The following KLHL32 variants were observed in gnomAD, a reference collection of about 807,000 sequenced individuals.
The protein encoded by KLHL32 is kelch-like protein 32.
In KLHL32, 35 loss-of-function variants were observed where a neutral mutation model predicts 64.8. The observed-to-expected ratio is 0.54, with a 90% CI of 0.41 to 0.72. KLHL32 has a LOEUF of 0.72. Ranked by LOEUF, KLHL32 falls within the 30% of genes least tolerant of loss-of-function variation. The pLI is 0.00. For missense variants in KLHL32, 589 were observed against 768.5 expected (o/e 0.77, Z 2.76); for synonymous variants, 259 against 281.0 (o/e 0.92, Z 0.78).
intron 4 of KLHL32, among the ~76,000 whole-genome samples, chr6:97,057,897 C>A (rs1405360506): frequency 6.6e-6 from 1 of 152,122 alleles, no homozygotes; most frequent in Non-Finnish European, 1.5e-5. Flanking sequence ...CATCTGTAAT[C>A]CGTTTTGAGT....
intron 5 of KLHL32, among the ~76,000 whole-genome samples, chr6:97,081,189 A>T (rs1163523473): frequency 6.6e-6 from 1 of 152,076 alleles, no homozygotes; most frequent in Non-Finnish European, 1.5e-5. Flanking sequence ...AGTGGACTAG[A>T]GTCTTTATAG....
At chr6:97,093,957 T>C (rs1794617144) in intron 6 of KLHL32, among the ~76,000 whole-genome samples, 1 of 152,194 alleles carries the variant, frequency 6.6e-6, no homozygotes, top group Non-Finnish European at 1.5e-5. Flanking sequence ...TTGTCCCTAT[T>C]TGAGACCAGA....
At chr6:97,025,164 T>C in intron 3 of KLHL32, 2 of 956,538 alleles carry the variant, frequency 2.1e-6, no homozygotes, top group Middle Eastern at 5.3e-4. Context: ...TAAAGAATTA[T>C]TGGAATCTGT....
intron 3 of KLHL32, among the ~76,000 whole-genome samples, chr6:97,026,476 A>G (rs139892134): frequency 6.6e-6 from 1 of 152,340 alleles, no homozygotes; most frequent in Admixed American, 6.5e-5. Flanking sequence ...ATGGTTGCTT[A>G]GCAACTAATG....
At chr6:97,025,341 T>G (rs1782573314) in intron 3 of KLHL32, among the ~76,000 whole-genome samples, 1 of 152,220 alleles carries the variant, frequency 6.6e-6, no homozygotes, top group Non-Finnish European at 1.5e-5. Context: ...AAGATTGAAT[T>G]ATCAGTATGC....
chr6:97,033,580 A>C (rs1783884355), intron 3 of KLHL32, among the ~76,000 whole-genome samples: 1 of 152,032 alleles, frequency 6.6e-6, no homozygotes, highest in African/African-American at 2.4e-5. Flanking sequence ...AGTTCTTTTT[A>C]AATTTTTTTT....
upstream of KLHL32, among the ~76,000 whole-genome samples, chr6:96,921,626 G>A (rs116868077): frequency 1.1e-4 from 16 of 152,312 alleles, no homozygotes; most frequent in East Asian, 2.3e-3. Flanking sequence ...AGAAAACCAC[G>A]ACACTGGCAT....
At chr6:97,045,730 G>T (rs1785818896) in intron 4 of KLHL32, among the ~76,000 whole-genome samples, 1 of 152,214 alleles carries the variant, frequency 6.6e-6, no homozygotes, top group Admixed American at 6.5e-5. Context: ...GCGTGTGTGT[G>T]TGCACGCATG....
intron 1 of KLHL32, among the ~76,000 whole-genome samples, chr6:96,945,260 T>A (rs1297442519): frequency 6.6e-6 from 1 of 152,256 alleles, no homozygotes; most frequent in African/African-American, 2.4e-5. Context: ...GGGATAATGC[T>A]AACACTGTCT....
At chr6:97,099,432 T>A (rs1795408077) in intron 6 of KLHL32, among the ~76,000 whole-genome samples, 1 of 152,226 alleles carries the variant, frequency 6.6e-6, no homozygotes. Context: ...GACCTGTGAT[T>A]TCCCCAGATT....
At chr6:97,074,004 A>ACC (rs1291138024) in intron 5 of KLHL32, among the ~76,000 whole-genome samples, 2 of 152,168 alleles carry the variant, frequency 1.3e-5, no homozygotes, top group Non-Finnish European at 2.9e-5. Context: ...GGCTCCAGAT[A>ACC]CCCTGGCCTC....
At chr6:97,041,166 A>C (rs188572599) in intron 3 of KLHL32, among the ~76,000 whole-genome samples, 3 of 152,200 alleles carry the variant, frequency 2.0e-5, no homozygotes, top group African/African-American at 7.2e-5. Context: ...ATTGCTGCAT[A>C]TAACTTGGTA....
At chr6:97,085,081 T>C (rs765833916) in intron 5 of KLHL32, 45 bp from the exon 6 acceptor site, 2 of 1,548,124 alleles carry the variant, frequency 1.3e-6, no homozygotes, top group Non-Finnish European at 1.8e-6. Context: ...TTTCTCGGAT[T>C]TATTTCTAAG....
intron 3 of KLHL32, among the ~76,000 whole-genome samples, chr6:96,996,379 AAAC>A (rs912201209): frequency 4.6e-5 from 7 of 152,154 alleles, no homozygotes; most frequent in South Asian, 2.1e-4. Flanking sequence ...CCCATGATTA[AAAC>A]AACAACAACA....
intron 6 of KLHL32, chr6:97,105,538 T>C (rs1333001334): frequency 1.1e-5 from 5 of 470,698 alleles, no homozygotes; most frequent in Admixed American, 7.1e-5. Context: ...ATATGGACAC[T>C]TGTGCCTCAC....
intron 5 of KLHL32, among the ~76,000 whole-genome samples, chr6:97,069,887 TTAAG>T (rs1183644420): frequency 1.3e-5 from 2 of 152,084 alleles, no homozygotes; most frequent in Admixed American, 6.6e-5. Context: ...TCATTTTTAA[TTAAG>T]TAATACTACA....
intron 6 of KLHL32, among the ~76,000 whole-genome samples, chr6:97,100,181 T>C (rs1393624096): frequency 6.6e-6 from 1 of 152,154 alleles, no homozygotes; most frequent in Non-Finnish European, 1.5e-5. Flanking sequence ...AAATTGTGTG[T>C]ACTGTACTCA....
chr6:96,911,942 C>T, the KLHL32 span, among the ~76,000 whole-genome samples: 2 of 148,844 alleles, frequency 1.3e-5, no homozygotes, highest in South Asian at 2.2e-4. Flanking sequence ...TGCACCCTCT[C>T]TCTGAGTAAT....
chr6:97,136,947 C>T (rs1007998410), intron 10 of KLHL32, among the ~76,000 whole-genome samples: 1 of 152,134 alleles, frequency 6.6e-6, no homozygotes, highest in African/African-American at 2.4e-5. Flanking sequence ...TTCTGGGTTG[C>T]GTCTTGAGCT....
Sources: allele counts gnomAD v4.1 joint callset (sites outside exome capture counted in the v4.1 genomes callset), GRCh38; gene constraint gnomAD v4.1.1; transcripts MANE v1.5; gene names NCBI Gene and HGNC (gene_info 2026-07-23, HGNC 2026-07-21).